The following PTPRR variants were observed in gnomAD, a reference collection of about 807,000 sequenced individuals.
The protein encoded by PTPRR is protein tyrosine phosphatase receptor type R.
A neutral mutation model predicts 77.2 loss-of-function variants in PTPRR; 38 were observed. The observed-to-expected ratio is 0.49, with a 90% confidence interval of 0.38 to 0.65. The LOEUF (loss-of-function observed/expected upper bound fraction) is 0.65. PTPRR is among the 30% of genes least tolerant of loss of function. PTPRR has a pLI of 0.00. For missense variants in PTPRR, 744 were observed against 799.2 expected (o/e 0.93, Z 0.83); for synonymous variants, 299 against 283.1 (o/e 1.06, Z -0.57).
intron 4 of PTPRR, chr12:70,754,661 TC>T: frequency 6.3e-7 from 1 of 1,597,494 alleles, no homozygotes; most frequent in Non-Finnish European, 8.5e-7. Flanking sequence ...CTGTTTTAAG[TC>T]CCCTCCCACA....
chr12:70,881,159 T>A (rs975540612), intron 2 of PTPRR, among the ~76,000 whole-genome samples: 5 of 152,152 alleles, frequency 3.3e-5, no homozygotes, highest in African/African-American at 1.2e-4. Context: ...TCAAGTCACA[T>A]AGAAACAACA....
chr12:70,835,396 T>C (rs1187726486), intron 2 of PTPRR, among the ~76,000 whole-genome samples: 1 of 152,142 alleles, frequency 6.6e-6, no homozygotes, highest in Non-Finnish European at 1.5e-5. Context: ...AAATAGGGTT[T>C]CAGCAGTTTC....
At chr12:70,643,503 A>T (rs1886085261) in intron 13 of PTPRR, among the ~76,000 whole-genome samples, 1 of 152,078 alleles carries the variant, frequency 6.6e-6, no homozygotes, top group South Asian at 2.1e-4. Context: ...GGCTGGTCAT[A>T]GCAAAAAAAG....
intron 2 of PTPRR, among the ~76,000 whole-genome samples, chr12:70,810,835 C>CA (rs1312034958): frequency 6.6e-6 from 1 of 152,144 alleles, no homozygotes; most frequent in East Asian, 1.9e-4. Context: ...CTCTCTGAGC[C>CA]AATTACCTTT....
chr12:70,735,082 A>G (rs985359231), intron 6 of PTPRR, among the ~76,000 whole-genome samples: 13 of 152,060 alleles, frequency 8.5e-5, no homozygotes, highest in Admixed American at 2.6e-4. Flanking sequence ...CAGAATTCCA[A>G]CCTACCTATA....
chr12:70,813,844 C>T (rs1204104507), intron 2 of PTPRR, among the ~76,000 whole-genome samples: 4 of 152,176 alleles, frequency 2.6e-5, no homozygotes, highest in Non-Finnish European at 5.9e-5. Flanking sequence ...GCTTGCTCTA[C>T]AGGGTTTTCC....
intron 2 of PTPRR, among the ~76,000 whole-genome samples, chr12:70,797,317 A>G (rs1193924299): frequency 6.6e-6 from 1 of 152,020 alleles, no homozygotes; most frequent in Non-Finnish European, 1.5e-5. Flanking sequence ...AATCCCTCCA[A>G]TTATGCTCCC....
intron 13 of PTPRR, among the ~76,000 whole-genome samples, chr12:70,655,966 C>G (rs950040801): frequency 2.0e-5 from 3 of 152,110 alleles, no homozygotes; most frequent in African/African-American, 4.8e-5. Context: ...AATCCCAGCA[C>G]TTTGGGAGGC....
chr12:70,828,811 T>C (rs1461851163), intron 2 of PTPRR, among the ~76,000 whole-genome samples: 1 of 152,224 alleles, frequency 6.6e-6, no homozygotes, highest in Non-Finnish European at 1.5e-5. Context: ...TTAATGTTGA[T>C]AGTGTCGTGT....
chr12:70,738,796 A>G (rs751413475), intron 6 of PTPRR, among the ~76,000 whole-genome samples: 16 of 152,224 alleles, frequency 1.1e-4, no homozygotes, highest in Admixed American at 6.5e-4. Context: ...GTGGCCTCAC[A>G]CTGTGCCAGC....
At chr12:70,821,409 T>TAGAG (rs1374493326) in intron 2 of PTPRR, among the ~76,000 whole-genome samples, 1 of 150,598 alleles carries the variant, frequency 6.6e-6, no homozygotes, top group Non-Finnish European at 1.5e-5. Context: ...GTATTTTTAG[T>TAGAG]AGAGATGAGG....
chr12:70,781,963 A>G (rs914868415), intron 2 of PTPRR, among the ~76,000 whole-genome samples: 1 of 152,162 alleles, frequency 6.6e-6, no homozygotes, highest in Non-Finnish European at 1.5e-5. Context: ...TGCAATACCA[A>G]CTTCATGAGT....
intron 6 of PTPRR, among the ~76,000 whole-genome samples, chr12:70,731,397 A>C (rs1467683809): frequency 6.6e-6 from 1 of 152,140 alleles, no homozygotes; most frequent in Non-Finnish European, 1.5e-5. Context: ...TCACCTGGAG[A>C]AACTTGCAAT....
intron 2 of PTPRR, among the ~76,000 whole-genome samples, chr12:70,885,892 G>T (rs1261548900): frequency 2.0e-5 from 3 of 152,030 alleles, no homozygotes; most frequent in African/African-American, 7.2e-5. Flanking sequence ...TTCTACAACT[G>T]TATGAAAATG....
chr12:70,863,537 T>C (rs982532402), intron 2 of PTPRR, among the ~76,000 whole-genome samples: 1 of 152,168 alleles, frequency 6.6e-6, no homozygotes, highest in African/African-American at 2.4e-5. Flanking sequence ...GTAACCATTC[T>C]AGGAAGCATA....
chr12:70,647,333 A>G (rs1216920921), intron 13 of PTPRR, among the ~76,000 whole-genome samples: 1 of 152,232 alleles, frequency 6.6e-6, no homozygotes, highest in Non-Finnish European at 1.5e-5. Context: ...TCTGCAATGG[A>G]ATATGTTCCT....
intron 10 of PTPRR, among the ~76,000 whole-genome samples, chr12:70,670,277 C>G (rs1887172808): frequency 6.6e-6 from 1 of 152,118 alleles, no homozygotes; most frequent in Admixed American, 6.5e-5. Context: ...TCTTTGGGAC[C>G]AAAAGTGGGT....
chr12:70,652,033 C>T (rs1423307692), intron 13 of PTPRR, among the ~76,000 whole-genome samples: 2 of 152,056 alleles, frequency 1.3e-5, no homozygotes, highest in Non-Finnish European at 2.9e-5. Context: ...GTATTAAATA[C>T]ATAGTGCATT....
chr12:70,813,720 C>A (rs187289852), intron 2 of PTPRR, among the ~76,000 whole-genome samples: 18 of 152,260 alleles, frequency 1.2e-4, no homozygotes, highest in African/African-American at 4.3e-4. Context: ...TGAAGAGAGG[C>A]CACACATCTC....
Sources: allele counts gnomAD v4.1 joint callset (sites outside exome capture counted in the v4.1 genomes callset), GRCh38; gene constraint gnomAD v4.1.1; transcripts MANE v1.5; gene names NCBI Gene and HGNC (gene_info 2026-07-23, HGNC 2026-07-21).